Variants in PRIMA1 observed in about 807,000 individuals in gnomAD.
The protein encoded by PRIMA1 is proline rich membrane anchor 1.
PRIMA1 carries 7 observed loss-of-function variants against 17.5 expected under a neutral mutation model. That is an observed-to-expected ratio of 0.40 (90% confidence interval 0.23 to 0.75). The LOEUF is 0.75. Ranked by LOEUF, PRIMA1 falls within the 30% of genes least tolerant of loss-of-function variation. The pLI is 0.37. For missense variants in PRIMA1, 200 were observed against 201.8 expected, an observed-to-expected ratio of 0.99 and a Z score of 0.05; for synonymous variants, 97 against 77.9, an observed-to-expected ratio of 1.25 and a Z score of -1.29.
chr14:93,771,058 ATGTGTG>A (rs3062787), intron 3 of PRIMA1, among the ~76,000 whole-genome samples: 2 of 151,232 alleles, frequency 1.3e-5, no homozygotes, highest in African/African-American at 4.9e-5. Flanking sequence ...GAGTGCATGT[ATGTGTG>A]TGTGTGCATG....
chr14:93,753,354 C>G (rs939156393), intron 3 of PRIMA1, among the ~76,000 whole-genome samples: 2 of 152,238 alleles, frequency 1.3e-5, no homozygotes, highest in African/African-American at 4.8e-5. Flanking sequence ...ATTCTCTCTG[C>G]CAAGTCCAGA....
At chr14:93,747,743 A>C (rs1161958459) in intron 3 of PRIMA1, among the ~76,000 whole-genome samples, 1 of 148,260 alleles carries the variant, frequency 6.7e-6, no homozygotes, top group African/African-American at 2.5e-5. Flanking sequence ...TGCGAGTGGG[A>C]AGTGTGTGGA....
intron 3 of PRIMA1, among the ~76,000 whole-genome samples, chr14:93,772,428 A>G (rs1885096149): frequency 6.6e-6 from 1 of 152,264 alleles, no homozygotes; most frequent in African/African-American, 2.4e-5. Flanking sequence ...CCTTGGAAGC[A>G]GGTCTCACAG....
chr14:93,753,874 C>G (rs979703438), intron 3 of PRIMA1, among the ~76,000 whole-genome samples: 1 of 152,132 alleles, frequency 6.6e-6, no homozygotes, highest in Non-Finnish European at 1.5e-5. Flanking sequence ...CAATGTGAAC[C>G]AGGAACTGCC....
chr14:93,727,762 C>T (rs191679943), intron 4 of PRIMA1, among the ~76,000 whole-genome samples: 1 of 152,190 alleles, frequency 6.6e-6, no homozygotes, highest in African/African-American at 2.4e-5. Flanking sequence ...GTCACGGAAC[C>T]CCCCTTCACC....
intron 3 of PRIMA1, among the ~76,000 whole-genome samples, chr14:93,743,541 AC>A (rs1010546700): frequency 2.0e-5 from 3 of 151,776 alleles, no homozygotes; most frequent in Non-Finnish European, 4.4e-5. Context: ...CTTGTCTAGG[AC>A]CCCCCTGTGC....
At chr14:93,747,842 T>G (rs1178482721) in intron 3 of PRIMA1, among the ~76,000 whole-genome samples, 1 of 149,686 alleles carries the variant, frequency 6.7e-6, no homozygotes, top group African/African-American at 2.5e-5. Context: ...TGAGAGTGTA[T>G]GAGTGTGTGT....
chr14:93,759,633 A>G (rs2076314771), intron 3 of PRIMA1, among the ~76,000 whole-genome samples: 1 of 152,078 alleles, frequency 6.6e-6, no homozygotes, highest in Non-Finnish European at 1.5e-5. Flanking sequence ...AAGGAGAAAG[A>G]ACACCTATGA....
chr14:93,752,726 CTCTG>C (rs1168167013), intron 3 of PRIMA1, among the ~76,000 whole-genome samples: 1 of 151,784 alleles, frequency 6.6e-6, no homozygotes, highest in African/African-American at 2.4e-5. Context: ...AAATTGAGTT[CTCTG>C]TCTGGACAAG....
chr14:93,779,037 T>C (rs962935474), intron 3 of PRIMA1, 139 bp downstream of exon 3: 3 of 615,524 alleles, frequency 4.9e-6, no homozygotes, highest in Non-Finnish European at 8.4e-6. Context: ...CAGGGGAAAG[T>C]TGGGCCTTGG....
intron 2 of PRIMA1, among the ~76,000 whole-genome samples, chr14:93,781,903 G>A (rs1595227799): frequency 6.6e-6 from 1 of 152,254 alleles, no homozygotes; most frequent in South Asian, 2.1e-4. Context: ...GAACCTGGAG[G>A]TCAAGGCTGC....
In PRIMA1 at chr14:93,758,987, A is replaced by C. The variant is rs1487780196; in HGVS notation, c.229+20189T>G. Among the ~76,000 whole-genome samples the C allele has an allele frequency of 2.0e-5, 3 of 152,338 alleles. No homozygotes were observed. In the East Asian group the frequency reaches 5.8e-4, roughly 29 times the overall value. ...TGTTGTTGGCAGGTAGTAGGTGTTCAGTAAATGGTTCACAAGTGAATCTGG... is the reference window on the plus strand; with the variant it reads ...TGTTGTTGGCAGGTAGTAGGTGTTCCGTAAATGGTTCACAAGTGAATCTGG... On this transcript the variant is annotated intron_variant, in intron 3 of 4. Transcript: ENST00000393140.
intron 4 of PRIMA1, among the ~76,000 whole-genome samples, chr14:93,732,924 C>T (rs933221970): frequency 3.9e-5 from 6 of 152,204 alleles, no homozygotes; most frequent in Non-Finnish European, 8.8e-5. Flanking sequence ...GAAACATGTG[C>T]CCGTCAGGCC....
chr14:93,762,474 C>T (rs1395483541), intron 3 of PRIMA1, among the ~76,000 whole-genome samples: 1 of 151,990 alleles, frequency 6.6e-6, no homozygotes, highest in Non-Finnish European at 1.5e-5. Flanking sequence ...TCTCTGTGCC[C>T]TGTCCTGTTC....
intron 3 of PRIMA1, among the ~76,000 whole-genome samples, chr14:93,754,688 A>G (rs2076280340): frequency 6.6e-6 from 1 of 152,226 alleles, no homozygotes; most frequent in African/African-American, 2.4e-5. Context: ...CCTTACAGTC[A>G]TGAGCTCCCA....
intron 4 of PRIMA1, among the ~76,000 whole-genome samples, chr14:93,731,180 T>C (rs1595192225): frequency 9.4e-6 from 1 of 106,866 alleles, no homozygotes; most frequent in Middle Eastern, 5.4e-3. Flanking sequence ...AATCCCATAC[T>C]GAGCCCCATT....
intron 3 of PRIMA1, among the ~76,000 whole-genome samples, chr14:93,739,320 GGGATTACA>G (rs2076170409): frequency 6.6e-6 from 1 of 152,184 alleles, no homozygotes; most frequent in African/African-American, 2.4e-5. Flanking sequence ...CCAAAGTGCT[GGGATTACA>G]GGCATGAGCC....
chr14:93,721,647 G>C (rs1281748785), intron 4 of PRIMA1, 101 bp from the exon 5 acceptor site: 5 of 715,716 alleles, frequency 7.0e-6, no homozygotes, highest in Non-Finnish European at 1.2e-5. Flanking sequence ...TAGCATCCCT[G>C]CTCCGTGAGA....
chr14:93,744,864 T>C (rs886236726), intron 3 of PRIMA1, among the ~76,000 whole-genome samples: 1 of 152,082 alleles, frequency 6.6e-6, no homozygotes, highest in East Asian at 1.9e-4. Context: ...GGGAGGTGCA[T>C]TTAGCCTCCC....
Sources: allele counts gnomAD v4.1 joint callset (sites outside exome capture counted in the v4.1 genomes callset), GRCh38; gene constraint gnomAD v4.1.1; transcripts MANE v1.5; gene names NCBI Gene and HGNC (gene_info 2026-07-23, HGNC 2026-07-21).